The following CSMD1 variants were observed in gnomAD, a reference collection of about 807,000 sequenced individuals.
The protein encoded by CSMD1 is CUB and sushi domain-containing protein 1.
A neutral mutation model predicts 417.5 loss-of-function variants in CSMD1; 213 were observed. The ratio of observed to expected loss-of-function variants is 0.51; its 90% CI spans 0.46 to 0.57. The LOEUF is 0.57. CSMD1 is among the 20% of genes least tolerant of loss of function. CSMD1 has a pLI of 0.00. For synonymous variants in CSMD1, 2,862 were observed against 1,736.8 expected (o/e 1.65, Z -16.11); for missense variants, 6,923 against 4,529.7 (o/e 1.53, Z -15.17).
chr8:4,372,918 G>C (rs567745286), intron 3 of CSMD1, among the ~76,000 whole-genome samples: 2 of 152,300 alleles, frequency 1.3e-5, no homozygotes, highest in African/African-American at 4.8e-5. Flanking sequence ...CATCCCTTAA[G>C]CATGAGTAGC....
intron 5 of CSMD1, among the ~76,000 whole-genome samples, chr8:3,833,768 C>G (rs1166062929): frequency 1.3e-5 from 2 of 152,182 alleles, no homozygotes; most frequent in African/African-American, 2.4e-5. Context: ...GGCCCTGGTT[C>G]TCTTCTCTTG....
chr8:3,709,032 T>A (rs1246265101), intron 6 of CSMD1, among the ~76,000 whole-genome samples: 2 of 152,146 alleles, frequency 1.3e-5, no homozygotes, highest in Non-Finnish European at 2.9e-5. Context: ...CACCAGTCCC[T>A]CCAGACGCTT....
intron 10 of CSMD1, among the ~76,000 whole-genome samples, chr8:3,511,019 G>A (rs921738558): frequency 2.2e-4 from 34 of 151,792 alleles, no homozygotes; most frequent in Admixed American, 1.8e-3. Context: ...AGAAAACGTG[G>A]CACTTATACA....
At chr8:3,093,645 G>A (rs990133970) in intron 47 of CSMD1, among the ~76,000 whole-genome samples, 4 of 151,750 alleles carry the variant, frequency 2.6e-5, no homozygotes, top group African/African-American at 7.3e-5. Flanking sequence ...TCCAGCCTGG[G>A]CAACAAGAGC....
At chr8:4,726,409 T>A (rs921760255) in intron 1 of CSMD1, among the ~76,000 whole-genome samples, 1 of 152,208 alleles carries the variant, frequency 6.6e-6, no homozygotes, top group Non-Finnish European at 1.5e-5. Context: ...CTCTACCCTT[T>A]AGTGTAGTTC....
chr8:3,702,707 C>T (rs192753982), intron 7 of CSMD1, among the ~76,000 whole-genome samples: 5 of 152,264 alleles, frequency 3.3e-5, no homozygotes, highest in Admixed American at 3.3e-4. Flanking sequence ...TGGTGCATGC[C>T]TGTAATCCCA....
In CSMD1 at chr8:3,343,274, T is replaced by G. The variant is rs766214107; in HGVS notation, c.3631+20A>C. 1.0e-5 allele frequency: 16 copies of G among 1,605,726 alleles called. No individual in the cohort carries two copies. Among genetic ancestry groups the G allele is most frequent in the Non-Finnish European group, 1.4e-5 (16 of 1,173,570 alleles). On this transcript the variant is annotated intron_variant, in intron 23 of 69. Transcript: ENST00000635120. ...CTGACAAAATGAAAAAAGAACGTGA[T>G]TAAGTCGTATGTTACTTACTGGTAT... is the stretch of plus-strand genomic sequence containing the variant.
chr8:4,373,880 C>T (rs1338366594), intron 3 of CSMD1, among the ~76,000 whole-genome samples: 2 of 152,154 alleles, frequency 1.3e-5, no homozygotes, highest in Admixed American at 1.3e-4. Context: ...TGCTTTAACG[C>T]AGAAGCTGTT....
chr8:4,455,445 C>G (rs541920948), intron 2 of CSMD1, among the ~76,000 whole-genome samples: 1 of 152,218 alleles, frequency 6.6e-6, no homozygotes, highest in South Asian at 2.1e-4. Context: ...AGAAATGATA[C>G]AAGCACACAG....
rs574642777 is a variant in CSMD1 at position 3,770,619 on chromosome 8, G to A, written c.819-16577C>T. On this transcript the variant is annotated intron_variant, in intron 5 of 69. Transcript: ENST00000635120. Reference sequence around the variant, plus strand: ...GCAGAACGGCCATAAATGAAGGGAAGAAGGGTCTGAAAGGAAAATTGTTTT... The same window carrying A: ...GCAGAACGGCCATAAATGAAGGGAAAAAGGGTCTGAAAGGAAAATTGTTTT... Among the ~76,000 whole-genome samples, 64 of 152,266 alleles carry A rather than the reference G, an allele frequency of 4.2e-4. No homozygotes were observed. In the South Asian group the frequency reaches 0.013, roughly 32 times the overall value.
At chr8:4,590,247 C>G (rs1002457617) in intron 2 of CSMD1, among the ~76,000 whole-genome samples, 2 of 151,922 alleles carry the variant, frequency 1.3e-5, no homozygotes, top group Non-Finnish European at 2.9e-5. Context: ...TAGCGTCATA[C>G]TTGAAAGTGG....
intron 1 of CSMD1, among the ~76,000 whole-genome samples, chr8:4,907,889 C>T (rs1386922268): frequency 1.3e-5 from 2 of 152,062 alleles, no homozygotes; most frequent in Non-Finnish European, 2.9e-5. Context: ...TTATATCCTG[C>T]AGCCATAACA....
intron 2 of CSMD1, among the ~76,000 whole-genome samples, chr8:4,621,894 T>C (rs1428896859): frequency 6.6e-6 from 1 of 152,018 alleles, no homozygotes; most frequent in Non-Finnish European, 1.5e-5. Flanking sequence ...ACTAATTCAA[T>C]GTAATTGAAC....
At chr8:4,456,364 T>C (rs1429666648) in intron 2 of CSMD1, among the ~76,000 whole-genome samples, 2 of 152,218 alleles carry the variant, frequency 1.3e-5, no homozygotes. Flanking sequence ...AAAAATACTG[T>C]ATCTGTCACT....
chr8:4,425,950 ATCT>A (rs1366128048), intron 2 of CSMD1, among the ~76,000 whole-genome samples: 1 of 152,152 alleles, frequency 6.6e-6, no homozygotes, highest in Admixed American at 6.6e-5. Context: ...ATGCTAAAGT[ATCT>A]TCATTTTAGA....
chr8:3,268,445 C>T (rs558753563), intron 26 of CSMD1, among the ~76,000 whole-genome samples: 48 of 151,976 alleles, frequency 3.2e-4, no homozygotes, highest in African/African-American at 1.1e-3. Flanking sequence ...CCCGCCACCA[C>T]GCCCAGCTGA....
intron 5 of CSMD1, among the ~76,000 whole-genome samples, chr8:3,934,002 T>G (rs1243608585): frequency 6.6e-6 from 1 of 152,128 alleles, no homozygotes; most frequent in Non-Finnish European, 1.5e-5. Flanking sequence ...TGGCAAATAT[T>G]CGCCTAAGGC....
chr8:3,835,761 C>T (rs1802656406), intron 5 of CSMD1, among the ~76,000 whole-genome samples: 2 of 151,252 alleles, frequency 1.3e-5, no homozygotes, highest in Admixed American at 6.6e-5. Context: ...CCACCCTTAA[C>T]CCCACCATTT....
At chr8:4,786,182 A>G (rs1247994751) in intron 1 of CSMD1, among the ~76,000 whole-genome samples, 3 of 152,216 alleles carry the variant, frequency 2.0e-5, no homozygotes, top group South Asian at 2.1e-4. Context: ...CACCTGCTCT[A>G]CCATCTTGGC....
Sources: allele counts gnomAD v4.1 joint callset (sites outside exome capture counted in the v4.1 genomes callset), GRCh38; gene constraint gnomAD v4.1.1; transcripts MANE v1.5; gene names NCBI Gene and HGNC (gene_info 2026-07-23, HGNC 2026-07-21).